The following KCNJ3 variants were observed in gnomAD, a reference collection of about 807,000 sequenced individuals.
The protein encoded by KCNJ3 is potassium inwardly rectifying channel subfamily J member 3.
In KCNJ3, 4 loss-of-function variants were observed where a neutral mutation model predicts 39.2. The ratio of observed to expected loss-of-function variants is 0.10; its 90% confidence interval spans 0.05 to 0.23. The LOEUF (loss-of-function observed/expected upper bound fraction) is 0.23. KCNJ3 is among the 10% of genes least tolerant of loss of function. The pLI is 1.00. For synonymous variants in KCNJ3, 230 were observed against 237.4 expected (o/e 0.97, Z 0.29); for missense variants, 276 against 634.9 (o/e 0.43, Z 6.08).
chr2:154,852,149 C>T (rs988405991), intron 2 of KCNJ3, among the ~76,000 whole-genome samples: 3 of 152,112 alleles, frequency 2.0e-5, no homozygotes, highest in Non-Finnish European at 4.4e-5. Context: ...ATATTGAGTA[C>T]GTAACATTAC....
chr2:154,840,290 T>C (rs1041674637), intron 2 of KCNJ3, among the ~76,000 whole-genome samples: 5 of 152,170 alleles, frequency 3.3e-5, no homozygotes, highest in African/African-American at 1.2e-4. Context: ...TTCTGTTCCA[T>C]TGGTCTATAT....
At chr2:154,826,532 T>C in intron 2 of KCNJ3, among the ~76,000 whole-genome samples, 1 of 152,242 alleles carries the variant, frequency 6.6e-6, no homozygotes, top group East Asian at 1.9e-4. Flanking sequence ...TTCACATATA[T>C]AATTTACTAA....
chr2:154,760,738 T>TC (rs1161816090), intron 2 of KCNJ3, among the ~76,000 whole-genome samples: 8 of 138,364 alleles, frequency 5.8e-5, no homozygotes, highest in African/African-American at 1.9e-4. Flanking sequence ...TTTTTTTCTT[T>TC]TTTTTTTTTT....
At chr2:154,712,595 G>A (rs1315301422) in intron 2 of KCNJ3, among the ~76,000 whole-genome samples, 9 of 152,076 alleles carry the variant, frequency 5.9e-5, no homozygotes, top group Non-Finnish European at 1.3e-4. Context: ...GTGGTGACCC[G>A]GACAGAAAGA....
At chr2:154,745,820 T>G (rs1685730308) in intron 2 of KCNJ3, among the ~76,000 whole-genome samples, 2 of 152,030 alleles carry the variant, frequency 1.3e-5, no homozygotes, top group Admixed American at 1.3e-4. Flanking sequence ...TTCATACTAC[T>G]TGAACAGAGA....
chr2:154,788,064 T>C (rs556683666), intron 2 of KCNJ3, among the ~76,000 whole-genome samples: 7 of 152,230 alleles, frequency 4.6e-5, no homozygotes, highest in African/African-American at 1.7e-4. Context: ...GATATTTCTA[T>C]AAAATGCATG....
At chr2:154,812,508 G>A (rs1687022333) in intron 2 of KCNJ3, among the ~76,000 whole-genome samples, 1 of 152,088 alleles carries the variant, frequency 6.6e-6, no homozygotes. Context: ...TTTCTATTGT[G>A]AAAGCTGTAG....
intron 1 of KCNJ3, among the ~76,000 whole-genome samples, chr2:154,704,512 A>G (rs571578851): frequency 2.0e-5 from 3 of 152,312 alleles, no homozygotes; most frequent in Non-Finnish European, 4.4e-5. Context: ...ATAAAATTGA[A>G]CATATTTTTG....
At chr2:154,797,549 CT>C (rs1686740906) in intron 2 of KCNJ3, among the ~76,000 whole-genome samples, 1 of 151,788 alleles carries the variant, frequency 6.6e-6, no homozygotes, top group African/African-American at 2.4e-5. Flanking sequence ...GATATTGTTG[CT>C]GTTTTCAGTG....
intron 2 of KCNJ3, among the ~76,000 whole-genome samples, chr2:154,757,856 T>A (rs560240350): frequency 1.3e-5 from 2 of 152,192 alleles, no homozygotes; most frequent in South Asian, 4.1e-4. Context: ...TTTATAAGGG[T>A]ACTAATCCCA....
Position 154,743,737 on chromosome 2 carries a change from T to C in KCNJ3, c.919+33918T>C, listed in dbSNP as rs116143291. 6.7e-3 allele frequency among the ~76,000 whole-genome samples: 1,010 copies of C among 151,786 alleles called. 6 individuals carry two copies. The highest frequency in any genetic ancestry group is 0.017 in the Admixed American group (265 of 15,188). The stretch of plus-strand genomic sequence containing the variant: ...AAGAGGTTTTGTATTTAAAGGTTGC[T>C]ATTTTTTTTACAAAGAAAATCATGC... On this transcript the variant is annotated intron_variant, in intron 2 of 2. Transcript: ENST00000295101.
intron 2 of KCNJ3, among the ~76,000 whole-genome samples, chr2:154,829,033 T>C (rs931598383): frequency 5.9e-5 from 9 of 152,172 alleles, no homozygotes; most frequent in Admixed American, 5.9e-4. Context: ...ATTGTGTGAC[T>C]TTCCTCTGTG....
At chr2:154,702,872 T>C (rs1684929284) in intron 1 of KCNJ3, among the ~76,000 whole-genome samples, 1 of 150,086 alleles carries the variant, frequency 6.7e-6, no homozygotes. Context: ...ATTTTAGTTA[T>C]CTTCTTTTCT....
At chr2:154,777,674 G>A (rs532408263) in intron 2 of KCNJ3, among the ~76,000 whole-genome samples, 1 of 152,136 alleles carries the variant, frequency 6.6e-6, no homozygotes, top group Non-Finnish European at 1.5e-5. Context: ...TAAATACATA[G>A]GATTTTGGGA....
At chr2:154,701,468 T>C (rs564570741) in intron 1 of KCNJ3, among the ~76,000 whole-genome samples, 1 of 152,220 alleles carries the variant, frequency 6.6e-6, no homozygotes, top group East Asian at 1.9e-4. Flanking sequence ...TTAACCTATA[T>C]GTTAGTTTTT....
At chr2:154,840,973 G>A (rs1174273012) in intron 2 of KCNJ3, among the ~76,000 whole-genome samples, 1 of 152,114 alleles carries the variant, frequency 6.6e-6, no homozygotes, top group East Asian at 1.9e-4. Context: ...ACCCTATGTT[G>A]AACAGGAGTG....
intron 2 of KCNJ3, among the ~76,000 whole-genome samples, chr2:154,815,375 C>T (rs1438729984): frequency 1.3e-5 from 2 of 152,180 alleles, no homozygotes; most frequent in Admixed American, 1.3e-4. Context: ...TTGGTAATAG[C>T]AAGCAGGAAC....
chr2:154,779,238 C>A (rs966955649), intron 2 of KCNJ3, among the ~76,000 whole-genome samples: 2 of 151,714 alleles, frequency 1.3e-5, no homozygotes, highest in Non-Finnish European at 2.9e-5. Context: ...GAGTCACTTA[C>A]CTCTAGCCCA....
chr2:154,843,207 G>T (rs1574483694), intron 2 of KCNJ3, among the ~76,000 whole-genome samples: 1 of 152,116 alleles, frequency 6.6e-6, no homozygotes, highest in East Asian at 1.9e-4. Flanking sequence ...GCTTAGTTTG[G>T]CTGGATCTGA....
Sources: gnomAD v4.1 joint callset for allele counts (sites outside exome capture counted in the v4.1 genomes callset) on GRCh38, gnomAD v4.1.1 for gene constraint, MANE v1.5 for transcripts, NCBI Gene and HGNC (gene_info 2026-07-23, HGNC 2026-07-21) for gene names.